The following PRKN variants were observed in gnomAD, a reference collection of about 807,000 sequenced individuals.
PRKN encodes the protein parkin RBR E3 ubiquitin protein ligase, also known as E3 ubiquitin-protein ligase parkin.
PRKN carries 56 observed loss-of-function variants against 59.5 expected under a neutral mutation model. The observed-to-expected ratio is 0.94, with a 90% CI of 0.76 to 1.18. The LOEUF (loss-of-function observed/expected upper bound fraction) is 1.18. PRKN is among the 50% of genes most tolerant of loss of function. The probability of loss-of-function intolerance (pLI) is 0.00; values close to 1 mark genes in which losing one functional copy is unlikely to be tolerated. For synonymous variants in PRKN, 250 were observed against 222.1 expected, an observed-to-expected ratio of 1.13 and a Z score of -1.12; for missense variants, 657 against 596.4, an observed-to-expected ratio of 1.10 and a Z score of -1.06.
At position 161,580,331 on chromosome 6, in the gene PRKN, T is replaced by C. The variant is rs1300152382; in HGVS notation, c.872-10915A>G. On this transcript the variant is annotated intron_variant, in intron 7 of 11. Transcript: ENST00000366898. ...GCAGCATCACAAGTGTTCAACCAGG[T>C]GCCTCTAAAACACGAGACCTTGAGC... 3.9e-5 allele frequency among the ~76,000 whole-genome samples: 6 copies of C among 152,296 alleles called. No individual in the cohort carries two copies. The South Asian group carries it at 6.2e-4, about 16-fold the overall frequency.
intron 1 of PRKN, among the ~76,000 whole-genome samples, chr6:162,619,457 G>A: frequency 6.6e-6 from 1 of 151,960 alleles, no homozygotes; most frequent in Non-Finnish European, 1.5e-5. Flanking sequence ...ACAATAGCAT[G>A]GGGATCTCAT....
chr6:161,619,752 A>C (rs1051872470), intron 7 of PRKN, among the ~76,000 whole-genome samples: 7 of 152,170 alleles, frequency 4.6e-5, no homozygotes, highest in Admixed American at 1.3e-4. Flanking sequence ...TGGTTATTTC[A>C]GTGCGTCTAT....
intron 2 of PRKN, among the ~76,000 whole-genome samples, chr6:162,374,759 A>C (rs1785966673): frequency 6.6e-6 from 1 of 152,096 alleles, no homozygotes; most frequent in South Asian, 2.1e-4. Flanking sequence ...GTATGTAAAC[A>C]TTTGAGAAAA....
chr6:162,710,621 T>C (rs1013534665), intron 1 of PRKN, among the ~76,000 whole-genome samples: 10 of 152,080 alleles, frequency 6.6e-5, no homozygotes, highest in Non-Finnish European at 1.3e-4. Context: ...CATATTCAAT[T>C]CTATAATAAG....
chr6:162,374,634 T>C (rs979290568), intron 2 of PRKN, among the ~76,000 whole-genome samples: 1 of 152,122 alleles, frequency 6.6e-6, no homozygotes, highest in African/African-American at 2.4e-5. Context: ...TAGCTATTAT[T>C]ATTTTCAGTT....
chr6:162,681,574 G>T (rs1423338407), intron 1 of PRKN, among the ~76,000 whole-genome samples: 2 of 152,088 alleles, frequency 1.3e-5, no homozygotes, highest in Non-Finnish European at 2.9e-5. Flanking sequence ...TTTCCCTTCA[G>T]CCCCTGATTA....
At chr6:162,049,089 T>C (rs1777508931) in intron 5 of PRKN, among the ~76,000 whole-genome samples, 1 of 152,116 alleles carries the variant, frequency 6.6e-6, no homozygotes. Flanking sequence ...AAAGGAGAGT[T>C]AGGGTCAAGT....
At chr6:162,670,769 A>C (rs553507159) in intron 1 of PRKN, among the ~76,000 whole-genome samples, 1 of 152,250 alleles carries the variant, frequency 6.6e-6, no homozygotes, top group Non-Finnish European at 1.5e-5. Flanking sequence ...TAAATATACC[A>C]TATTTACAAT....
chr6:161,708,765 A>G (rs1162971287), intron 7 of PRKN, among the ~76,000 whole-genome samples: 3 of 152,218 alleles, frequency 2.0e-5, no homozygotes, highest in Admixed American at 2.0e-4. Context: ...CGATGCAGCG[A>G]CGTGCCCCAG....
intron 4 of PRKN, among the ~76,000 whole-genome samples, chr6:162,144,375 A>G (rs1372619142): frequency 6.6e-6 from 1 of 152,228 alleles, no homozygotes; most frequent in Non-Finnish European, 1.5e-5. Flanking sequence ...AGCACTTTGT[A>G]GAGGTGCTCA....
chr6:162,546,699 C>A lies in PRKN; in HGVS notation c.8-103226G>T, dbSNP rs1437696142. ...CCTCAGGTGATCCACCCTCCTCGGC[C>A]TCCCAAAATACTGGGATTACAGGCG... On this transcript the variant is annotated intron_variant, in intron 1 of 11. Coordinates refer to ENST00000366898, the MANE Select transcript of PRKN (RefSeq NM_004562.3). 3.9e-5 allele frequency among the ~76,000 whole-genome samples: 6 copies of A among 152,130 alleles called. No homozygotes were observed. The South Asian group carries it at 6.2e-4, about 16-fold the overall frequency.
Position 162,262,562 on chromosome 6 carries a change from A to AG in PRKN, c.374dup (p.Asp126Ter). On this transcript the variant is annotated frameshift_variant, in exon 3 of 12. Coordinates refer to ENST00000366898, the MANE Select transcript of PRKN (RefSeq NM_004562.3). LOFTEE classifies it high-confidence loss of function. ...CTGGTGGTGAGTCCTTCCTGCTGTCAGTGTGCAGAATGACAGCCAGCCCCA... is the reference window on the plus strand; with the variant it reads ...CTGGTGGTGAGTCCTTCCTGCTGTCAGGTGTGCAGAATGACAGCCAGCCCCA... 1 of 1,613,214 alleles carries AG rather than the reference A, an allele frequency of 6.2e-7. No individual in the cohort carries two copies. The highest frequency in any genetic ancestry group is 1.1e-5 in the South Asian group (1 of 91,074).
At chr6:162,694,155 G>A (rs1161420524) in intron 1 of PRKN, among the ~76,000 whole-genome samples, 1 of 148,280 alleles carries the variant, frequency 6.7e-6, no homozygotes, top group East Asian at 2.1e-4. Context: ...GCTGAGGCAG[G>A]AGAATGGTGT....
intron 5 of PRKN, among the ~76,000 whole-genome samples, chr6:161,985,185 C>G (rs1781391284): frequency 6.6e-6 from 1 of 152,150 alleles, no homozygotes. Flanking sequence ...AATTTTGTAG[C>G]CTAGCCCGAC....
intron 4 of PRKN, among the ~76,000 whole-genome samples, chr6:162,069,556 G>A (rs1259474087): frequency 6.6e-6 from 1 of 152,202 alleles, no homozygotes; most frequent in Admixed American, 6.5e-5. Flanking sequence ...TTTAATGAGT[G>A]TATATATTCC....
At chr6:162,207,188 C>T (rs189085826) in intron 3 of PRKN, among the ~76,000 whole-genome samples, 15 of 152,136 alleles carry the variant, frequency 9.9e-5, no homozygotes, top group African/African-American at 2.9e-4. Flanking sequence ...CTGGCTAACA[C>T]GATGAAACCC....
chr6:161,496,662 T>C (rs1264661261), intron 9 of PRKN, among the ~76,000 whole-genome samples: 1 of 152,120 alleles, frequency 6.6e-6, no homozygotes, highest in Non-Finnish European at 1.5e-5. Context: ...CCTTGATCTG[T>C]GGGGATTATT....
At chr6:162,336,421 A>C (rs1471568637) in intron 2 of PRKN, among the ~76,000 whole-genome samples, 1 of 152,158 alleles carries the variant, frequency 6.6e-6, no homozygotes, top group East Asian at 1.9e-4. Flanking sequence ...TTACAATTTT[A>C]AAACTTAAAG....
chr6:162,092,141 G>A (rs1011473323), intron 4 of PRKN, among the ~76,000 whole-genome samples: 18 of 152,126 alleles, frequency 1.2e-4, no homozygotes, highest in Non-Finnish European at 7.3e-5. Flanking sequence ...GATCACCTGA[G>A]GTCAGGAGTT....
Sources: gnomAD v4.1 joint callset for allele counts (sites outside exome capture counted in the v4.1 genomes callset) on GRCh38, gnomAD v4.1.1 for gene constraint, MANE v1.5 for transcripts, NCBI Gene and HGNC (gene_info 2026-07-23, HGNC 2026-07-21) for gene names.